FMN2: variants seen among roughly 807,000 people sequenced by gnomAD.
FMN2 encodes the protein formin 2.
A neutral mutation model predicts 142.3 loss-of-function variants in FMN2; 51 were observed. That is an observed-to-expected ratio of 0.36 (90% CI 0.29 to 0.45). FMN2 has a LOEUF of 0.45. Ranked by LOEUF, FMN2 falls within the 20% of genes least tolerant of loss-of-function variation. The probability of loss-of-function intolerance (pLI) is 1.00; values close to 1 mark genes in which losing one functional copy is unlikely to be tolerated. For synonymous variants in FMN2, 882 were observed against 869.8 expected, an observed-to-expected ratio of 1.01 and a Z score of -0.25; for missense variants, 1,936 against 2,122.8, an observed-to-expected ratio of 0.91 and a Z score of 1.73.
intron 4 of FMN2, among the ~76,000 whole-genome samples, chr1:240,202,583 C>T (rs1019994316): frequency 1.3e-5 from 2 of 152,122 alleles, no homozygotes; most frequent in African/African-American, 4.8e-5. Context: ...CAGTCTCAGC[C>T]TCTCAAGTAG....
At chr1:240,310,968 A>C (rs1558426154) in intron 8 of FMN2, among the ~76,000 whole-genome samples, 1 of 152,170 alleles carries the variant, frequency 6.6e-6, no homozygotes, top group Non-Finnish European at 1.5e-5. Flanking sequence ...CCAGACCAAA[A>C]CCTGGACATG....
At chr1:240,363,620 A>G (rs1266471679) in intron 14 of FMN2, among the ~76,000 whole-genome samples, 1 of 152,178 alleles carries the variant, frequency 6.6e-6, no homozygotes, top group African/African-American at 2.4e-5. Context: ...GACCCAGGAC[A>G]GAGGCTGCAT....
intron 7 of FMN2, among the ~76,000 whole-genome samples, chr1:240,273,983 A>C (rs1437261200): frequency 2.6e-5 from 4 of 152,110 alleles, no homozygotes; most frequent in Admixed American, 6.6e-5. Context: ...TTCCACAAAG[A>C]AAGATGCCAG....
intron 2 of FMN2, among the ~76,000 whole-genome samples, chr1:240,171,918 C>G (rs1368134470): frequency 2.0e-5 from 3 of 151,944 alleles, no homozygotes; most frequent in Non-Finnish European, 2.9e-5. Context: ...TAGGAAGATA[C>G]AATGTCATTC....
chr1:240,329,895 T>C (rs1671322470), intron 10 of FMN2, among the ~76,000 whole-genome samples: 1 of 152,052 alleles, frequency 6.6e-6, no homozygotes, highest in South Asian at 2.1e-4. Flanking sequence ...GCCATATGAC[T>C]CAACAGAAGA....
At chr1:240,338,607 C>T (rs75918409) in intron 13 of FMN2, among the ~76,000 whole-genome samples, 13 of 152,178 alleles carry the variant, frequency 8.5e-5, no homozygotes, top group East Asian at 5.8e-4. Flanking sequence ...TCATCCCTTC[C>T]GGCACGTGGA....
chr1:240,218,336 G>A (rs1306949444), intron 6 of FMN2, among the ~76,000 whole-genome samples: 1 of 150,824 alleles, frequency 6.6e-6, no homozygotes, highest in African/African-American at 2.4e-5. Context: ...GTACAAGAAA[G>A]GGGTATTAAT....
chr1:240,449,591 A>G (rs944026089), intron 16 of FMN2, among the ~76,000 whole-genome samples: 14 of 152,206 alleles, frequency 9.2e-5, no homozygotes, highest in Non-Finnish European at 2.9e-5. Flanking sequence ...TTGGATATTG[A>G]CACTTCTAGT....
chr1:240,398,306 C>T (rs763291515), intron 15 of FMN2, among the ~76,000 whole-genome samples: 70 of 152,042 alleles, frequency 4.6e-4, no homozygotes, highest in Non-Finnish European at 5.6e-4. Context: ...GCCTGGCCGG[C>T]GACATCTTTT....
chr1:240,454,353 C>A (rs569040166), intron 16 of FMN2, among the ~76,000 whole-genome samples: 2 of 151,860 alleles, frequency 1.3e-5, no homozygotes, highest in Admixed American at 6.6e-5. Context: ...ACCAGCCTGG[C>A]CAACATGGCA....
intron 7 of FMN2, among the ~76,000 whole-genome samples, chr1:240,292,263 T>A (rs1443148701): frequency 6.6e-6 from 1 of 152,152 alleles, no homozygotes; most frequent in Non-Finnish European, 1.5e-5. Flanking sequence ...TTTCTTTGAA[T>A]CTTTTTGCCA....
At chr1:240,456,096 T>C (rs1676235848) in intron 16 of FMN2, among the ~76,000 whole-genome samples, 1 of 152,136 alleles carries the variant, frequency 6.6e-6, no homozygotes, top group African/African-American at 2.4e-5. Context: ...TCTACCTGAT[T>C]ATGACTTCTC....
intron 8 of FMN2, among the ~76,000 whole-genome samples, chr1:240,295,115 A>G (rs1232880416): frequency 2.0e-5 from 3 of 151,994 alleles, no homozygotes; most frequent in East Asian, 1.9e-4. Flanking sequence ...GAGGTCATTC[A>G]TTATTTTTTT....
At chr1:240,155,427 T>G (rs1663983220) in intron 2 of FMN2, among the ~76,000 whole-genome samples, 1 of 152,186 alleles carries the variant, frequency 6.6e-6, no homozygotes, top group Non-Finnish European at 1.5e-5. Flanking sequence ...TGGGATTAGA[T>G]GTGCACTGCC....
chr1:240,145,869 C>T (rs1300397506), intron 2 of FMN2, among the ~76,000 whole-genome samples: 1 of 151,924 alleles, frequency 6.6e-6, no homozygotes, highest in Non-Finnish European at 1.5e-5. Flanking sequence ...AGGGTCGAGG[C>T]AGAAATCTTG....
In FMN2 at chr1:240,303,318, C is replaced by A. The variant is rs1670269335; in HGVS notation, c.4215+8435C>A. ...TCCTGTCATTTCATCCTGCAGGACT[C>A]CCTTGAGCATTTCTTGTGGTACAGA... On this transcript the variant is annotated intron_variant, in intron 8 of 17. Transcript: ENST00000319653. 3.3e-5 allele frequency among the ~76,000 whole-genome samples: 5 copies of A among 152,282 alleles called. No individual in the cohort carries two copies. In the South Asian group the frequency reaches 1.0e-3, roughly 32 times the overall value.
chr1:240,124,781 C>A (rs1662431409), intron 2 of FMN2, among the ~76,000 whole-genome samples: 1 of 152,050 alleles, frequency 6.6e-6, no homozygotes, highest in Admixed American at 6.6e-5. Flanking sequence ...GATTCTCCTG[C>A]CTCAGCCTCT....
chr1:240,109,541 C>T (rs781578251), intron 1 of FMN2, among the ~76,000 whole-genome samples: 7 of 152,186 alleles, frequency 4.6e-5, no homozygotes, highest in Non-Finnish European at 2.9e-5. Flanking sequence ...AACCTATGTA[C>T]ACCCTTCATT....
At chr1:240,447,830 G>T (rs1484182732) in intron 16 of FMN2, among the ~76,000 whole-genome samples, 4 of 152,162 alleles carry the variant, frequency 2.6e-5, no homozygotes, top group Non-Finnish European at 4.4e-5. Context: ...CTCAAAAAAA[G>T]TTGACGTTCA....
Sources: gnomAD v4.1 joint callset for allele counts (sites outside exome capture counted in the v4.1 genomes callset) on GRCh38, gnomAD v4.1.1 for gene constraint, MANE v1.5 for transcripts, NCBI Gene and HGNC (gene_info 2026-07-23, HGNC 2026-07-21) for gene names.